PUDP: variants seen among roughly 807,000 people sequenced by gnomAD.
PUDP encodes pseudouridine 5'-phosphatase.
A neutral mutation model predicts 9.4 loss-of-function variants in PUDP; 8 were observed. The ratio of observed to expected loss-of-function variants is 0.85; its 90% CI spans 0.50 to 1.53. The LOEUF (loss-of-function observed/expected upper bound fraction) is 1.53. Ranked by LOEUF, PUDP falls within the 40% of genes most tolerant of loss-of-function variation. The probability of loss-of-function intolerance (pLI) is 0.00; values close to 1 mark genes in which losing one functional copy is unlikely to be tolerated. For missense variants in PUDP, 188 were observed against 189.7 expected, an observed-to-expected ratio of 0.99 and a Z score of 0.05; for synonymous variants, 99 against 80.7, an observed-to-expected ratio of 1.23 and a Z score of -1.22.
At chrX:6,847,545 T>C (rs192268685) in intron 3 of PUDP, among the ~76,000 whole-genome samples, 1 of 112,380 alleles carries the variant, frequency 8.9e-6, no homozygotes, top group African/African-American at 3.2e-5. Context: ...CCAACCTTCA[T>C]ATATTATCAA....
chrX:7,137,248 A>T (rs1367268926), intron 1 of PUDP, among the ~76,000 whole-genome samples: 5 of 107,990 alleles, frequency 4.6e-5, no homozygotes, highest in East Asian at 2.9e-4. Flanking sequence ...TCTCAAAAAA[A>T]AAAAATAAAA....
chrX:6,832,958 C>T (rs1926525656), intron 3 of PUDP, among the ~76,000 whole-genome samples: 1 of 98,813 alleles, frequency 1.0e-5, no homozygotes. Flanking sequence ...AGACTGCCTG[C>T]TCATGTCACT....
At chrX:6,977,385 T>C (rs1323480145) in intron 2 of PUDP, among the ~76,000 whole-genome samples, 4 of 112,020 alleles carry the variant, frequency 3.6e-5, no homozygotes, top group African/African-American at 1.3e-4. Context: ...TGACCTAGAA[T>C]CAATAGTATA....
chrX:6,951,235 TC>T (rs369395965), intron 3 of PUDP, among the ~76,000 whole-genome samples: 636 of 88,051 alleles, frequency 7.2e-3, no homozygotes, highest in Non-Finnish European at 0.011. Context: ...CATCCATCCA[TC>T]CATCCATCAT....
chrX:6,757,204 T>A (rs1408269190), intron 3 of PUDP, among the ~76,000 whole-genome samples: 2 of 111,679 alleles, frequency 1.8e-5, no homozygotes, highest in African/African-American at 6.5e-5. Flanking sequence ...TAGAGCCGGA[T>A]GATCCCTGAC....
chrX:7,129,272 C>A (rs1225086755), intron 1 of PUDP, among the ~76,000 whole-genome samples: 1 of 112,279 alleles, frequency 8.9e-6, no homozygotes, highest in Admixed American at 9.4e-5. Context: ...ATACTGGCTG[C>A]ACTATATAGA....
At chrX:6,838,081 AG>A (rs1926611744) in intron 3 of PUDP, among the ~76,000 whole-genome samples, 1 of 112,210 alleles carries the variant, frequency 8.9e-6, no homozygotes, top group Admixed American at 9.4e-5. Flanking sequence ...CATGTGAATC[AG>A]AGAAGGTAAG....
chrX:7,066,235 G>A (rs1230719474), intron 3 of PUDP, among the ~76,000 whole-genome samples: 2 of 111,856 alleles, frequency 1.8e-5, no homozygotes, highest in African/African-American at 3.3e-5. Flanking sequence ...GAGTAGGGTA[G>A]TGGCATTTGT....
upstream of PUDP, among the ~76,000 whole-genome samples, chrX:6,722,929 T>C (rs1186640952): frequency 8.9e-6 from 1 of 112,044 alleles, no homozygotes; most frequent in Non-Finnish European, 1.9e-5. Flanking sequence ...GTTTTCAAGA[T>C]AGTGGAAAAT....
chrX:6,930,044 C>T (rs1388741444), intron 3 of PUDP, among the ~76,000 whole-genome samples: 1 of 111,626 alleles, frequency 9.0e-6, no homozygotes, highest in African/African-American at 3.3e-5. Flanking sequence ...GTGGTGGAAG[C>T]AGCACAGGTG....
rs371415573 is a variant in PUDP, at chrX:6,944,899, C to G, written c.*247+32234G>C. 4.5e-5 allele frequency among the ~76,000 whole-genome samples: 5 copies of G among 111,661 alleles called. No individual in the cohort carries two copies. In the East Asian group the frequency reaches 8.5e-4, roughly 19 times the overall value. ...GCTGATCCCAAATTTTTAGACAAAACTTTCCCTCCTTATCCGATCACAAAT... is the reference window on the plus strand; with the variant it reads ...GCTGATCCCAAATTTTTAGACAAAAGTTTCCCTCCTTATCCGATCACAAAT... On this transcript the variant is annotated intron_variant and NMD_transcript_variant, in intron 3 of 3. Coordinates refer to the PUDP transcript ENST00000655425.
intron 3 of PUDP, among the ~76,000 whole-genome samples, chrX:6,897,487 G>A (rs767668622): frequency 9.0e-6 from 1 of 111,239 alleles, no homozygotes; most frequent in Admixed American, 9.6e-5. Context: ...AGTTTGTCTT[G>A]GTTCAACACA....
intron 3 of PUDP, among the ~76,000 whole-genome samples, chrX:6,878,657 C>T (rs771418397): frequency 9.8e-5 from 11 of 112,343 alleles, no homozygotes; most frequent in Non-Finnish European, 1.9e-4. Flanking sequence ...CACACCTGGT[C>T]TTCATGACTT....
chrX:6,731,712 C>G (rs1419540400), intron 3 of PUDP, among the ~76,000 whole-genome samples: 1 of 95,510 alleles, frequency 1.0e-5, no homozygotes, highest in Non-Finnish European at 2.0e-5. Context: ...AAGTCAATGT[C>G]CACCAAAGGA....
At chrX:7,015,612 T>A (rs1929536275) in intron 1 of PUDP, among the ~76,000 whole-genome samples, 1 of 111,603 alleles carries the variant, frequency 9.0e-6, no homozygotes, top group African/African-American at 3.3e-5. Flanking sequence ...TCTGATTCTG[T>A]CACCCAGGGT....
At chrX:6,789,882 T>A (rs1925713499) in intron 3 of PUDP, among the ~76,000 whole-genome samples, 1 of 107,459 alleles carries the variant, frequency 9.3e-6, no homozygotes, top group Non-Finnish European at 1.9e-5. Context: ...ATGATAGATA[T>A]ATATCAGCAA....
At chrX:6,840,735 G>A (rs1318392427) in intron 3 of PUDP, among the ~76,000 whole-genome samples, 2 of 108,402 alleles carry the variant, frequency 1.8e-5, no homozygotes, top group Non-Finnish European at 3.8e-5. Context: ...GAACCCTGAT[G>A]TAAACTTTGG....
intron 3 of PUDP, among the ~76,000 whole-genome samples, chrX:6,932,114 G>C (rs769795448): frequency 9.0e-6 from 1 of 111,344 alleles, no homozygotes; most frequent in Admixed American, 9.5e-5. Flanking sequence ...AGTTAAGTTC[G>C]TAAGGCAAAC....
chrX:6,932,964 G>T (rs1210025651), intron 3 of PUDP, among the ~76,000 whole-genome samples: 4 of 109,682 alleles, frequency 3.6e-5, no homozygotes, highest in Admixed American at 9.8e-5. Context: ...CAAAGCAGCC[G>T]GGAAGCTCGA....
Sources: allele counts gnomAD v4.1 joint callset (sites outside exome capture counted in the v4.1 genomes callset), GRCh38; gene constraint gnomAD v4.1.1; transcripts MANE v1.5; gene names NCBI Gene and HGNC (gene_info 2026-07-23, HGNC 2026-07-21).